The following ZNF875 variants were observed in gnomAD, a reference collection of about 807,000 sequenced individuals.
ZNF875 encodes the protein zinc finger protein 875.
Under a neutral mutation model 11.2 loss-of-function variants are expected in ZNF875, and 14 were observed. The ratio of observed to expected loss-of-function variants is 1.26; its 90% confidence interval spans 0.83 to 1.96. The LOEUF (loss-of-function observed/expected upper bound fraction) is 1.96, where lower values mean the gene tolerates loss of function less well. Ranked by LOEUF, ZNF875 falls within the 30% of genes most tolerant of loss-of-function variation. ZNF875 has a pLI of 0.00. For missense variants in ZNF875, 752 were observed against 760.4 expected (o/e 0.99, Z 0.13); for synonymous variants, 301 against 281.1 (o/e 1.07, Z -0.71).
At chr19:37,349,765 C>T (rs1253181457) in intron 4 of ZNF875, among the ~76,000 whole-genome samples, 1 of 152,040 alleles carries the variant, frequency 6.6e-6, no homozygotes, top group Non-Finnish European at 1.5e-5. Flanking sequence ...AGCGATCCTG[C>T]TGTCTCAGCC....
At chr19:37,335,361 A>G in intron 2 of ZNF875, 104 bp downstream of exon 2, 1 of 606,852 alleles carries the variant, frequency 1.6e-6, no homozygotes, top group Non-Finnish European at 3.0e-6. Flanking sequence ...AGTCATTCCT[A>G]GCCCTAGTCA....
At chr19:37,352,726 G>A (rs2038136760) in intron 4 of ZNF875, among the ~76,000 whole-genome samples, 1 of 151,920 alleles carries the variant, frequency 6.6e-6, no homozygotes, top group Non-Finnish European at 1.5e-5. Flanking sequence ...GAATGCATTA[G>A]CACTCAAATG....
chr19:37,339,334 C>G (rs1365053007), intron 2 of ZNF875, among the ~76,000 whole-genome samples: 1 of 152,026 alleles, frequency 6.6e-6, no homozygotes, highest in Non-Finnish European at 1.5e-5. Flanking sequence ...CCATAGTAAT[C>G]CATTGAATGG....
chr19:37,348,991 G>A (rs1235019577), intron 4 of ZNF875, among the ~76,000 whole-genome samples: 2 of 152,174 alleles, frequency 1.3e-5, no homozygotes, highest in Non-Finnish European at 2.9e-5. Flanking sequence ...GAAGGTGTTG[G>A]TAGGGTTGGT....
At chr19:37,313,615 G>A (rs779901702), upstream of ZNF875, among the ~76,000 whole-genome samples, 28 of 151,988 alleles carry the variant, frequency 1.8e-4, no homozygotes, top group Non-Finnish European at 3.1e-4. Flanking sequence ...ACCCTCCCCT[G>A]TCACCCCAGG....
At chr19:37,353,489 C>A (rs1365000933) in intron 4 of ZNF875, among the ~76,000 whole-genome samples, 3 of 152,072 alleles carry the variant, frequency 2.0e-5, no homozygotes, top group Non-Finnish European at 4.4e-5. Context: ...TGTGTGTGTG[C>A]TTTATATCTG....
At chr19:37,313,140 G>T (rs1326798919), upstream of ZNF875, 2 of 152,056 alleles carry the variant, frequency 1.3e-5, no homozygotes, top group East Asian at 1.9e-4. Flanking sequence ...AATTTCTTCT[G>T]ACATGCTGCA....
intron 3 of ZNF875, 182 bp from the exon 4 acceptor site, chr19:37,347,595 C>G: frequency 1.6e-6 from 1 of 611,882 alleles, no homozygotes; most frequent in Non-Finnish European, 2.9e-6. Context: ...ACCAAGTGTT[C>G]ATAATATGCC....
intron 4 of ZNF875, among the ~76,000 whole-genome samples, chr19:37,360,197 A>G (rs2039674918): frequency 6.6e-6 from 1 of 152,200 alleles, no homozygotes; most frequent in Non-Finnish European, 1.5e-5. Context: ...CTCCCATTGA[A>G]TTACCTTGGC....
chr19:37,344,639 G>A, intron 2 of ZNF875: 1 of 1,569,916 alleles, frequency 6.4e-7, no homozygotes, highest in Non-Finnish European at 8.8e-7. Flanking sequence ...ACTCCCCCAA[G>A]CTTCTAGCTG....
At chr19:37,335,042 A>C in intron 1 of ZNF875, 127 bp from the exon 2 acceptor site, 1 of 571,120 alleles carries the variant, frequency 1.8e-6, no homozygotes, top group Non-Finnish European at 3.2e-6. Flanking sequence ...CTGGATGGGA[A>C]TTGGCTGCTC....
intron 4 of ZNF875, among the ~76,000 whole-genome samples, chr19:37,360,536 A>G (rs1389104526): frequency 6.6e-6 from 1 of 152,260 alleles, no homozygotes; most frequent in African/African-American, 2.4e-5. Context: ...GAGAATCACC[A>G]TCTTAATAAT....
Position 37,363,351 on chromosome 19 carries a change from A to T in ZNF875, c.1499A>T (p.His500Leu). The change falls in exon 5 of 5, where the codon CAC (histidine) becomes CTC (leucine). Residue 500 changes from histidine to leucine, a missense_variant. Coordinates refer to ENST00000392153, the MANE Select transcript of ZNF875 (RefSeq NM_001353803.2). ...KSTLSTHQRT[H>L]SGEKPFVCAE... ...ACCCTGAGCACGCACCAGAGGACACACTCAGGGGAGAAGCCATTTGTATGT... is the reference window on the plus strand; with the variant it reads ...ACCCTGAGCACGCACCAGAGGACACTCTCAGGGGAGAAGCCATTTGTATGT... 2 of 1,611,134 alleles carry T rather than the reference A, an allele frequency of 1.2e-6. No homozygotes were observed. The highest frequency in any genetic ancestry group is 1.7e-4 in the Middle Eastern group (1 of 6,056).
In ZNF875 at chr19:37,336,602, C is replaced by T. The variant is rs558695121; in HGVS notation, c.33+1345C>T. ...GTGAGATTACACCACACCCGGCTAC[C>T]TATGCATATTTAAAAATCAACCTTG... On this transcript the variant is annotated intron_variant, in intron 2 of 4. Transcript: ENST00000392153. 2.0e-5 allele frequency among the ~76,000 whole-genome samples: 3 copies of T among 151,550 alleles called. No homozygotes were observed. The South Asian group carries it at 6.3e-4, about 32-fold the overall frequency.
At position 37,347,319 on chromosome 19, in the gene ZNF875, A is replaced by G. The variant is rs748966240; in HGVS notation, c.160+3A>G. 1.1e-5 allele frequency: 17 copies of G among 1,610,966 alleles called. No homozygotes were observed. Among genetic ancestry groups the G allele is most frequent in the Non-Finnish European group, 1.4e-5 (16 of 1,178,104 alleles). ...TTATAACCATCTGGTCTCACTGGGT[A>G]AGAATGGCCTCCCTTGGCACTTAAA... On this transcript the variant is annotated splice_donor_region_variant and intron_variant, in intron 3 of 4. Transcript: ENST00000392153.
Position 37,362,705 on chromosome 19 carries a change from A to G in ZNF875, c.853A>G (p.Arg285Gly). 1 of 1,613,528 alleles carries G rather than the reference A, an allele frequency of 6.2e-7. No individual in the cohort carries two copies. Among genetic ancestry groups the G allele is most frequent in the Non-Finnish European group, 8.5e-7 (1 of 1,179,666 alleles). The change falls in exon 5 of 5, where the codon AGG becomes GGG. Residue 285 changes from arginine (R) to glycine (G), a missense_variant. Arg to Gly is a moderately radical substitution (Grantham distance 125, BLOSUM62 -2). Coordinates refer to ENST00000392153, the MANE Select transcript of ZNF875 (RefSeq NM_001353803.2). ...CTCTGGGGGAAAGCCTTATGTGTGC[A>G]GGGAATGTGGGCGAGGCTTTACGTG... ...THSGGKPYVCRECGRGFTWKS... is the reference protein window; with the variant it reads ...THSGGKPYVCGECGRGFTWKS...
chr19:37,341,658 A>C (rs1568599817), intron 2 of ZNF875, among the ~76,000 whole-genome samples: 1 of 152,150 alleles, frequency 6.6e-6, no homozygotes, highest in African/African-American at 2.4e-5. Context: ...TATTGGTCCC[A>C]ATGATTCATA....
At chr19:37,342,117 G>A (rs1007970650) in intron 2 of ZNF875, among the ~76,000 whole-genome samples, 1 of 152,176 alleles carries the variant, frequency 6.6e-6, no homozygotes, top group African/African-American at 2.4e-5. Context: ...AATCTCAGAA[G>A]CCTTTTTGTC....
At chr19:37,317,976 C>T (rs1469900777) in exon 1 of ZNF875, 1 of 155,682 alleles carries the variant, frequency 6.4e-6, no homozygotes, top group African/African-American at 2.4e-5. Context: ...GCTGTTCGGC[C>T]AAGCGCCCAC....
Sources: gnomAD v4.1 joint callset for allele counts (sites outside exome capture counted in the v4.1 genomes callset) on GRCh38, gnomAD v4.1.1 for gene constraint, MANE v1.5 for transcripts, NCBI Gene and HGNC (gene_info 2026-07-23, HGNC 2026-07-21) for gene names.